Variants in DHRSX observed in about 807,000 individuals in gnomAD.
The protein encoded by DHRSX is polyprenol dehydrogenase.
Under a neutral mutation model 34.0 loss-of-function variants are expected in DHRSX, and 31 were observed. The ratio of observed to expected loss-of-function variants is 0.91; its 90% CI spans 0.69 to 1.23. DHRSX has a LOEUF of 1.23. Among genes scored for constraint, DHRSX ranks in the 50% most tolerant of loss-of-function variants. The pLI is 0.00. For missense variants in DHRSX, 414 were observed against 428.1 expected (o/e 0.97, Z 0.29); for synonymous variants, 201 against 183.8 (o/e 1.09, Z -0.76).
At chrX:2,346,994 G>C (rs1334037766) in intron 3 of DHRSX, among the ~76,000 whole-genome samples, 2 of 152,024 alleles carry the variant, frequency 1.3e-5, no homozygotes, top group African/African-American at 4.8e-5. Context: ...CTTTTTTATG[G>C]CTGCATAGTA....
intron 1 of DHRSX, among the ~76,000 whole-genome samples, chrX:2,433,408 T>TA (rs2043952123): frequency 6.6e-6 from 1 of 152,090 alleles, no homozygotes; most frequent in Non-Finnish European, 1.5e-5. Flanking sequence ...CTTTTTTTTT[T>TA]AAAGTTCTGG....
Position 2,473,484 on chromosome X carries a change from G to A in DHRSX, c.109+27333C>T, listed in dbSNP as rs779951076. On this transcript the variant is annotated intron_variant, in intron 1 of 6. Coordinates refer to ENST00000334651, the MANE Select transcript of DHRSX (RefSeq NM_145177.3). ...ACTAAAAATATAAAATTAGCCGGGC[G>A]TGGTGGCACATGCCTGTATTCCCAG... is the stretch of plus-strand genomic sequence containing the variant. Among the ~76,000 whole-genome samples the A allele has an allele frequency of 1.8e-4, 28 of 151,968 alleles. 1 individual carries two copies. In the South Asian group the frequency reaches 3.1e-3, roughly 17 times the overall value.
rs371999030 is a variant in DHRSX, at chrX:2,231,641, TTCTC to T, written c.805-10416_805-10413del. The stretch of plus-strand genomic sequence containing the variant: ...TTTCCCATCTCTTTCTCCCTTTCTC[TTCTC>T]TCTCTGCCTTTTCTTCTTTTTTTCT... On this transcript the variant is annotated intron_variant, in intron 6 of 6. Coordinates refer to ENST00000334651, the MANE Select transcript of DHRSX (RefSeq NM_145177.3). 2.8e-3 allele frequency among the ~76,000 whole-genome samples: 422 copies of T among 149,824 alleles called. 1 individual carries two copies. The highest frequency in any genetic ancestry group is 0.014 in the Middle Eastern group (4 of 292).
chrX:2,449,880 G>A (rs1200266516), intron 1 of DHRSX, among the ~76,000 whole-genome samples: 1 of 152,026 alleles, frequency 6.6e-6, no homozygotes, highest in Admixed American at 6.6e-5. Context: ...GTACTCAAGC[G>A]ATCCACCGGC....
intron 1 of DHRSX, among the ~76,000 whole-genome samples, chrX:2,499,317 C>T (rs1439473342): frequency 6.6e-6 from 1 of 152,266 alleles, no homozygotes; most frequent in African/African-American, 2.4e-5. Flanking sequence ...TTAAGACATT[C>T]AGGGCAACGT....
intron 3 of DHRSX, among the ~76,000 whole-genome samples, chrX:2,308,042 G>C (rs1218995316): frequency 1.3e-5 from 2 of 152,092 alleles, no homozygotes; most frequent in Admixed American, 6.6e-5. Flanking sequence ...ATTCCACCTG[G>C]AGTACCTTCA....
At chrX:2,414,693 G>A (rs1034581313) in intron 2 of DHRSX, among the ~76,000 whole-genome samples, 6 of 150,912 alleles carry the variant, frequency 4.0e-5, no homozygotes, top group African/African-American at 1.5e-4. Flanking sequence ...ATCCCATCAT[G>A]AGCAACACAA....
chrX:2,346,610 A>G (rs1449324483), intron 3 of DHRSX, among the ~76,000 whole-genome samples: 1 of 145,510 alleles, frequency 6.9e-6, no homozygotes, highest in Non-Finnish European at 1.5e-5. Flanking sequence ...TCCCCTCCCC[A>G]TTTTTCCTGT....
chrX:2,438,539 CT>C lies in DHRSX; in HGVS notation c.110-13236del, dbSNP rs768975173. Among the ~76,000 whole-genome samples the C allele has an allele frequency of 8.4e-4, 127 of 151,926 alleles. 4 individuals are homozygous for C. In the East Asian group the frequency reaches 0.021, roughly 25 times the overall value. On this transcript the variant is annotated intron_variant, in intron 1 of 6. Coordinates refer to ENST00000334651, the MANE Select transcript of DHRSX (RefSeq NM_145177.3). ...TTAAAAAATTAGCCGGGCGAGATGGCTGGCGCCTGTAATCCTGCCTCAGGAG... is the reference window on the plus strand; with the variant it reads ...TTAAAAAATTAGCCGGGCGAGATGGCGGCGCCTGTAATCCTGCCTCAGGAG...
intron 3 of DHRSX, among the ~76,000 whole-genome samples, chrX:2,362,923 C>T (rs1157987764): frequency 9.2e-6 from 1 of 108,278 alleles, no homozygotes; most frequent in Non-Finnish European, 2.1e-5. Context: ...ATCATGCCAC[C>T]ATTTTATCAC....
intron 1 of DHRSX, among the ~76,000 whole-genome samples, chrX:2,482,995 C>T (rs1449618179): frequency 7.2e-5 from 11 of 152,152 alleles, no homozygotes; most frequent in African/African-American, 2.4e-4. Flanking sequence ...TCTAAGATAA[C>T]GCACAACCTA....
At chrX:2,401,969 C>A (rs2043491265) in intron 3 of DHRSX, among the ~76,000 whole-genome samples, 1 of 152,144 alleles carries the variant, frequency 6.6e-6, no homozygotes, top group Non-Finnish European at 1.5e-5. Context: ...CCATGCCCTG[C>A]CCAGCGTGGG....
chrX:2,340,460 G>GTATATATA (rs745970460), intron 3 of DHRSX, among the ~76,000 whole-genome samples: 1 of 150,794 alleles, frequency 6.6e-6, no homozygotes, highest in Non-Finnish European at 1.5e-5. Flanking sequence ...GTGTGTGTGT[G>GTATATATA]TATATATATA....
At chrX:2,299,614 G>A (rs1018748233) in intron 3 of DHRSX, among the ~76,000 whole-genome samples, 30 of 152,110 alleles carry the variant, frequency 2.0e-4, no homozygotes, top group Admixed American at 3.3e-4. Flanking sequence ...CAGCACTTTG[G>A]GAGGCTGAGA....
intron 1 of DHRSX, among the ~76,000 whole-genome samples, chrX:2,466,643 G>A (rs1245264186): frequency 1.3e-5 from 2 of 151,150 alleles, no homozygotes; most frequent in Non-Finnish European, 2.9e-5. Flanking sequence ...GGTGGAGGGT[G>A]GGAGAAATGA....
Position 2,249,433 on chromosome X carries a change from C to T in DHRSX, c.597-6203G>A, listed in dbSNP as rs765548076. On this transcript the variant is annotated intron_variant, in intron 5 of 6. Coordinates refer to ENST00000334651, the MANE Select transcript of DHRSX (RefSeq NM_145177.3). ...CAGGATGGTCTCGATCTCCTGACCT[C>T]GTGATCTGCCCACCTCGGCCTCCCA... Among the ~76,000 whole-genome samples, 237 of 147,134 alleles carry T rather than the reference C, an allele frequency of 1.6e-3. 1 individual carries two copies. Among genetic ancestry groups the T allele is most frequent in the African/African-American group, 5.6e-3 (225 of 40,240 alleles).
intron 3 of DHRSX, among the ~76,000 whole-genome samples, chrX:2,322,679 G>C (rs1319708063): frequency 1.3e-4 from 8 of 60,158 alleles, no homozygotes; most frequent in Admixed American, 6.9e-4. Flanking sequence ...ACCACGCCCG[G>C]CTAAAAAAAA....
chrX:2,350,303 A>G (rs2042774559), intron 3 of DHRSX, among the ~76,000 whole-genome samples: 1 of 152,186 alleles, frequency 6.6e-6, no homozygotes, highest in Non-Finnish European at 1.5e-5. Context: ...GTGAGCCGAG[A>G]TCACGCCACT....
chrX:2,365,751 G>A (rs777542874), intron 3 of DHRSX, among the ~76,000 whole-genome samples: 1 of 152,170 alleles, frequency 6.6e-6, no homozygotes, highest in South Asian at 2.1e-4. Context: ...TGCCTTTGGT[G>A]AGCCTTGGGT....
Sources: gnomAD v4.1 joint callset for allele counts (sites outside exome capture counted in the v4.1 genomes callset) on GRCh38, gnomAD v4.1.1 for gene constraint, MANE v1.5 for transcripts, NCBI Gene and HGNC (gene_info 2026-07-23, HGNC 2026-07-21) for gene names.